DAP: variants seen among roughly 807,000 people sequenced by gnomAD.
DAP encodes death associated protein.
Under a neutral mutation model 13.8 loss-of-function variants are expected in DAP, and 8 were observed. The ratio of observed to expected loss-of-function variants is 0.58; its 90% CI spans 0.34 to 1.05. The LOEUF is 1.05. Ranked by LOEUF, DAP falls within the 50% of genes least tolerant of loss-of-function variation. DAP has a pLI of 0.03. For missense variants in DAP, 106 were observed against 133.2 expected (o/e 0.80, Z 1.01); for synonymous variants, 47 against 47.5 (o/e 0.99, Z 0.04).
At chr5:10,751,833 C>T (rs1171111443) in intron 1 of DAP, among the ~76,000 whole-genome samples, 1 of 152,196 alleles carries the variant, frequency 6.6e-6, no homozygotes, top group Non-Finnish European at 1.5e-5. Flanking sequence ...CAGGAGAAAG[C>T]AGAGCTGCCA....
At chr5:10,697,275 C>G (rs184334708) in intron 2 of DAP, among the ~76,000 whole-genome samples, 1 of 152,090 alleles carries the variant, frequency 6.6e-6, no homozygotes, top group Non-Finnish European at 1.5e-5. Context: ...ATGGTTAGCT[C>G]GTTACAAGAC....
intron 2 of DAP, among the ~76,000 whole-genome samples, chr5:10,726,848 T>C (rs1739299487): frequency 6.6e-6 from 1 of 152,152 alleles, no homozygotes; most frequent in Admixed American, 6.5e-5. Context: ...ATCTTAGCAC[T>C]AGTTTGCTAA....
intron 1 of DAP, among the ~76,000 whole-genome samples, chr5:10,751,271 A>G (rs1740039119): frequency 6.6e-6 from 1 of 152,244 alleles, no homozygotes; most frequent in Non-Finnish European, 1.5e-5. Flanking sequence ...AAAAAGCCAA[A>G]GACAAAACAG....
chr5:10,730,743 G>C (rs575654650), intron 2 of DAP, among the ~76,000 whole-genome samples: 1 of 119,890 alleles, frequency 8.3e-6, no homozygotes, highest in South Asian at 3.1e-4. Flanking sequence ...GAGCCCTGGT[G>C]GGGGGAATCT....
At chr5:10,697,076 T>G (rs149105455) in intron 2 of DAP, among the ~76,000 whole-genome samples, 1 of 152,322 alleles carries the variant, frequency 6.6e-6, no homozygotes, top group African/African-American at 2.4e-5. Context: ...TTTAACTACA[T>G]GGCAATGTGG....
chr5:10,713,588 T>C (rs1738906167), intron 2 of DAP, among the ~76,000 whole-genome samples: 1 of 152,164 alleles, frequency 6.6e-6, no homozygotes, highest in South Asian at 2.1e-4. Context: ...GCTGAAGTGT[T>C]TTCCACAATC....
chr5:10,729,474 C>A, intron 2 of DAP, among the ~76,000 whole-genome samples: 1 of 152,218 alleles, frequency 6.6e-6, no homozygotes, highest in East Asian at 1.9e-4. Context: ...CATTATCACT[C>A]TGAAACTGCT....
chr5:10,730,486 C>T (rs1420694265), intron 2 of DAP, among the ~76,000 whole-genome samples: 1 of 127,278 alleles, frequency 7.9e-6, no homozygotes, highest in Admixed American at 7.8e-5. Context: ...CTGGTTGGGG[C>T]AATCTTTCTG....
chr5:10,729,621 C>T (rs1380348915), intron 2 of DAP, among the ~76,000 whole-genome samples: 1 of 152,222 alleles, frequency 6.6e-6, no homozygotes, highest in Admixed American at 6.5e-5. Flanking sequence ...GTTCTTTCTT[C>T]GGTTGTCCCT....
intron 2 of DAP, among the ~76,000 whole-genome samples, chr5:10,736,725 A>G (rs1053836694): frequency 3.3e-5 from 5 of 152,234 alleles, no homozygotes; most frequent in Non-Finnish European, 7.3e-5. Context: ...ACTGCCCAAC[A>G]GCAACGGGAA....
At chr5:10,726,592 G>A (rs1010482689) in intron 2 of DAP, among the ~76,000 whole-genome samples, 1 of 152,264 alleles carries the variant, frequency 6.6e-6, no homozygotes, top group African/African-American at 2.4e-5. Flanking sequence ...GCGGGGTTCT[G>A]ACTGCTCTTC....
chr5:10,746,949 G>T (rs568285683), intron 2 of DAP, among the ~76,000 whole-genome samples: 2 of 152,284 alleles, frequency 1.3e-5, no homozygotes, highest in South Asian at 4.1e-4. Flanking sequence ...CATGAGAACT[G>T]GGTTGAACTT....
chr5:10,729,985 T>A (rs564714867), intron 2 of DAP, among the ~76,000 whole-genome samples: 4 of 152,376 alleles, frequency 2.6e-5, no homozygotes, highest in South Asian at 2.1e-4. Context: ...GCAGAAGGCC[T>A]TGGCTACCAT....
chr5:10,702,456 GTTGATATCTGGAGTCC>G (rs1738604278), intron 2 of DAP, among the ~76,000 whole-genome samples: 1 of 152,202 alleles, frequency 6.6e-6, no homozygotes, highest in Admixed American at 6.5e-5. Flanking sequence ...CTGGCCATGG[GTTGATATCTGGAGTCC>G]CCAAGCAAAT....
intron 2 of DAP, among the ~76,000 whole-genome samples, chr5:10,730,513 C>T (rs1208071460): frequency 7.6e-6 from 1 of 132,228 alleles, no homozygotes; most frequent in Non-Finnish European, 1.6e-5. Context: ...GAGACCGGGT[C>T]GGGGGGAATC....
chr5:10,760,891 T>G, intron 1 of DAP, 123 bp downstream of exon 1: 2 of 564,922 alleles, frequency 3.5e-6, no homozygotes, highest in Non-Finnish European at 2.5e-6. Flanking sequence ...CGGGCGGGCA[T>G]CAAGGCCCGG....
chr5:10,760,197 T>C (rs1028308357), intron 1 of DAP, among the ~76,000 whole-genome samples: 4 of 152,168 alleles, frequency 2.6e-5, no homozygotes, highest in East Asian at 1.9e-4. Context: ...CATCCATACA[T>C]TGAAGTGACT....
intron 2 of DAP, among the ~76,000 whole-genome samples, chr5:10,688,400 T>A (rs1018664292): frequency 1.3e-5 from 2 of 152,234 alleles, no homozygotes; most frequent in Admixed American, 1.3e-4. Flanking sequence ...AATTAAGTTA[T>A]GCATTGTTTT....
At chr5:10,692,113 G>A (rs1345487472) in intron 2 of DAP, among the ~76,000 whole-genome samples, 3 of 152,140 alleles carry the variant, frequency 2.0e-5, no homozygotes, top group Non-Finnish European at 4.4e-5. Flanking sequence ...TGTGGAAAGG[G>A]CTGAGAAACC....
Sources: allele counts gnomAD v4.1 joint callset (sites outside exome capture counted in the v4.1 genomes callset), GRCh38; gene constraint gnomAD v4.1.1; transcripts MANE v1.5; gene names NCBI Gene and HGNC (gene_info 2026-07-23, HGNC 2026-07-21).